AUTS2: variants seen among roughly 807,000 people sequenced by gnomAD.
AUTS2 encodes the protein autism susceptibility gene 2 protein.
AUTS2 carries 17 observed loss-of-function variants against 112.4 expected under a neutral mutation model. That is an observed-to-expected ratio of 0.15 (90% confidence interval 0.10 to 0.23). AUTS2 has a LOEUF of 0.23. Among genes scored for constraint, AUTS2 ranks in the 10% least tolerant of loss-of-function variants. The pLI is 1.00. For synonymous variants in AUTS2, 751 were observed against 702.7 expected (o/e 1.07, Z -1.09); for missense variants, 1,510 against 1,701.6 (o/e 0.89, Z 1.98).
At chr7:69,842,188 A>T (rs1792010362) in intron 1 of AUTS2, among the ~76,000 whole-genome samples, 1 of 152,196 alleles carries the variant, frequency 6.6e-6, no homozygotes. Context: ...GTGTTTAAGA[A>T]TATCTTATCT....
chr7:70,304,717 CTTTTTTTTT>C (rs11464532), intron 4 of AUTS2, among the ~76,000 whole-genome samples: 1,045 of 101,336 alleles, frequency 0.01, 25 homozygotes, highest in African/African-American at 0.038. Context: ...GGATTTTTAA[CTTTTTTTTT>C]TTTTTTTTTT....
At chr7:70,046,792 T>C (rs1054767097) in intron 2 of AUTS2, among the ~76,000 whole-genome samples, 4 of 152,220 alleles carry the variant, frequency 2.6e-5, no homozygotes, top group Admixed American at 6.5e-5. Context: ...TTGGAAGTTA[T>C]TTTTGTGTTT....
At chr7:70,191,867 C>T (rs1037850848) in intron 4 of AUTS2, among the ~76,000 whole-genome samples, 1 of 151,666 alleles carries the variant, frequency 6.6e-6, no homozygotes, top group Non-Finnish European at 1.5e-5. Flanking sequence ...TTAAAACCAG[C>T]CTGGCTAACA....
chr7:69,904,737 T>G (rs949326139), intron 2 of AUTS2, among the ~76,000 whole-genome samples: 29 of 152,342 alleles, frequency 1.9e-4, no homozygotes, highest in South Asian at 8.3e-4. Flanking sequence ...CAAGCTAAGG[T>G]ATCAAATAAA....
At chr7:69,876,507 T>C (rs1793800061) in intron 1 of AUTS2, among the ~76,000 whole-genome samples, 1 of 18,916 alleles carries the variant, frequency 5.3e-5, no homozygotes, top group Admixed American at 4.6e-4. Flanking sequence ...TATATATATA[T>C]ATATATATAT....
At chr7:70,107,005 A>G (rs1305903646) in intron 2 of AUTS2, among the ~76,000 whole-genome samples, 1 of 152,188 alleles carries the variant, frequency 6.6e-6, no homozygotes, top group Non-Finnish European at 1.5e-5. Flanking sequence ...GTCAGTAAGT[A>G]TGTATAATAC....
intron 1 of AUTS2, among the ~76,000 whole-genome samples, chr7:69,723,030 C>G (rs189723788): frequency 6.6e-6 from 1 of 152,048 alleles, no homozygotes; most frequent in Admixed American, 6.6e-5. Context: ...TAGAACTGTT[C>G]AGAAGCAAGA....
At chr7:70,212,536 T>G (rs1384868451) in intron 4 of AUTS2, among the ~76,000 whole-genome samples, 2 of 152,218 alleles carry the variant, frequency 1.3e-5, no homozygotes, top group African/African-American at 4.8e-5. Flanking sequence ...CCTAAAAAAT[T>G]GGATAACTCC....
intron 2 of AUTS2, among the ~76,000 whole-genome samples, chr7:69,984,824 C>A (rs1256645293): frequency 6.6e-6 from 1 of 152,114 alleles, no homozygotes; most frequent in Non-Finnish European, 1.5e-5. Context: ...CATTTGTGGG[C>A]CTCTGCAGAT....
chr7:70,034,071 G>A (rs1800896858), intron 2 of AUTS2, among the ~76,000 whole-genome samples: 1 of 152,082 alleles, frequency 6.6e-6, no homozygotes, highest in Non-Finnish European at 1.5e-5. Flanking sequence ...TCATGCCATA[G>A]CCCATAAATA....
At chr7:70,763,471 T>G in intron 7 of AUTS2, 130 bp downstream of exon 7, 2 of 684,770 alleles carry the variant, frequency 2.9e-6, no homozygotes, top group Non-Finnish European at 2.4e-6. Flanking sequence ...TCTCTGAGAC[T>G]AGAGACAGGG....
chr7:70,701,975 G>A (rs917413522), intron 6 of AUTS2, among the ~76,000 whole-genome samples: 2 of 152,010 alleles, frequency 1.3e-5, no homozygotes. Context: ...CAAATTCTGG[G>A]GTATTTATTC....
chr7:69,719,988 G>A lies in AUTS2; in HGVS notation c.309+120026G>A, dbSNP rs74455112. ...ATAGAGAGAGGCAGCTGTAATTCTG[G>A]TTGGATGGAATCCAATTAAAAGGAA... On this transcript the variant is annotated intron_variant, in intron 1 of 18. Coordinates refer to ENST00000342771, the MANE Select transcript of AUTS2 (RefSeq NM_015570.4). Among the ~76,000 whole-genome samples the A allele has an allele frequency of 3.8e-3, 583 of 152,298 alleles. 5 individuals carry two copies. The highest frequency in any genetic ancestry group is 0.013 in the African/African-American group (560 of 41,570).
At chr7:69,857,181 G>C (rs562979046) in intron 1 of AUTS2, among the ~76,000 whole-genome samples, 1 of 152,118 alleles carries the variant, frequency 6.6e-6, no homozygotes, top group Non-Finnish European at 1.5e-5. Context: ...AGGGCTCCTC[G>C]TCTGCTCCCC....
chr7:70,321,906 A>G (rs1790273041), intron 4 of AUTS2, among the ~76,000 whole-genome samples: 1 of 152,206 alleles, frequency 6.6e-6, no homozygotes, highest in Non-Finnish European at 1.5e-5. Context: ...TATGAAAATA[A>G]TATTTTCCCA....
At chr7:70,704,175 C>T (rs990784913) in intron 6 of AUTS2, among the ~76,000 whole-genome samples, 4 of 152,148 alleles carry the variant, frequency 2.6e-5, no homozygotes, top group Admixed American at 2.6e-4. Context: ...TTGCTTTGGC[C>T]GAACTGATCT....
intron 4 of AUTS2, among the ~76,000 whole-genome samples, chr7:70,402,241 A>C (rs1794357443): frequency 6.6e-6 from 1 of 152,238 alleles, no homozygotes; most frequent in Non-Finnish European, 1.5e-5. Context: ...TCAACCCAGG[A>C]AATAAAGAAT....
chr7:69,913,596 A>G (rs1233577878), intron 2 of AUTS2, among the ~76,000 whole-genome samples: 6 of 152,014 alleles, frequency 3.9e-5, no homozygotes, highest in African/African-American at 1.2e-4. Context: ...GCTATCCTTT[A>G]CTCGAGGATA....
In AUTS2 at chr7:69,693,711, C is replaced by G. The variant is rs545364091; in HGVS notation, c.309+93749C>G. 7.2e-5 allele frequency among the ~76,000 whole-genome samples: 11 copies of G among 152,220 alleles called. No homozygotes were observed. In the South Asian group the frequency reaches 2.3e-3, roughly 32 times the overall value. On this transcript the variant is annotated intron_variant, in intron 1 of 18. Transcript: ENST00000342771. ...CTCTCTCCCACTGAAGAAGAGAAGA[C>G]AAAATTTAGAGAATTTGAGACTTGC...
Sources: gnomAD v4.1 joint callset for allele counts (sites outside exome capture counted in the v4.1 genomes callset) on GRCh38, gnomAD v4.1.1 for gene constraint, MANE v1.5 for transcripts, NCBI Gene and HGNC (gene_info 2026-07-23, HGNC 2026-07-21) for gene names.